MAP3K20: variants seen among roughly 807,000 people sequenced by gnomAD.
The protein encoded by MAP3K20 is HCCS-4.
A neutral mutation model predicts 85.7 loss-of-function variants in MAP3K20; 40 were observed. That is an observed-to-expected ratio of 0.47 (90% confidence interval 0.36 to 0.61). The LOEUF (loss-of-function observed/expected upper bound fraction) is 0.61, where lower values mean the gene tolerates loss of function less well. MAP3K20 is among the 20% of genes least tolerant of loss of function. MAP3K20 has a pLI of 0.00. For synonymous variants in MAP3K20, 325 were observed against 327.7 expected, an observed-to-expected ratio of 0.99 and a Z score of 0.09; for missense variants, 817 against 961.7, an observed-to-expected ratio of 0.85 and a Z score of 1.99.
At chr2:173,140,508 A>T (rs1398759075) in intron 2 of MAP3K20, among the ~76,000 whole-genome samples, 1 of 151,568 alleles carries the variant, frequency 6.6e-6, no homozygotes, top group Non-Finnish European at 1.5e-5. Context: ...GCACCACCAC[A>T]CCCGGCTAAT....
intron 19 of MAP3K20, 102 bp downstream of exon 19, chr2:173,263,997 T>A: frequency 6.9e-7 from 1 of 1,450,720 alleles, no homozygotes; most frequent in Non-Finnish European, 9.2e-7. Flanking sequence ...CTCAATCAGT[T>A]AAGATCTATC....
chr2:173,234,414 T>C (rs971532439), intron 14 of MAP3K20, among the ~76,000 whole-genome samples: 2 of 152,152 alleles, frequency 1.3e-5, no homozygotes, highest in Admixed American at 6.5e-5. Context: ...AAGAAACCTG[T>C]GGTTAAGGAA....
chr2:173,187,674 C>T (rs1690530236), intron 5 of MAP3K20, 51 bp downstream of exon 5: 4 of 1,452,496 alleles, frequency 2.8e-6, no homozygotes, highest in East Asian at 2.3e-5. Flanking sequence ...ATTACATACA[C>T]TTGCATGTAG....
chr2:173,209,924 C>A, intron 10 of MAP3K20, 89 bp downstream of exon 10: 1 of 1,183,362 alleles, frequency 8.5e-7, no homozygotes, highest in Non-Finnish European at 1.3e-6. Context: ...ATCTGAATGA[C>A]AGTCCTGATT....
chr2:173,136,163 T>C (rs1028272975), intron 2 of MAP3K20, among the ~76,000 whole-genome samples: 2 of 152,196 alleles, frequency 1.3e-5, no homozygotes, highest in African/African-American at 2.4e-5. Flanking sequence ...TGTTCCACTT[T>C]TAGGGAAAAA....
At chr2:173,103,846 G>A (rs1288950634) in intron 2 of MAP3K20, among the ~76,000 whole-genome samples, 1 of 151,976 alleles carries the variant, frequency 6.6e-6, no homozygotes, top group African/African-American at 2.4e-5. Flanking sequence ...TAGGTGGGGA[G>A]GTGCATACTT....
rs772084264 is a variant in MAP3K20 at position 173,169,837 on chromosome 2, C to T, written c.192C>T (p.Asn64=). 2.5e-6 allele frequency: 4 copies of T among 1,613,936 alleles called. No individual in the cohort carries two copies. The highest frequency in any genetic ancestry group is 2.2e-5 in the South Asian group (2 of 91,044). ...AEILSVLSHR[N]IIQFYGVILE... is the part of the protein sequence containing the mutation. ...TACTCAGTGTCCTCAGTCACAGAAACATCATCCAGTTTTATGGAGTAATTC... is the reference window on the plus strand; with the variant it reads ...TACTCAGTGTCCTCAGTCACAGAAATATCATCCAGTTTTATGGAGTAATTC... The change falls in exon 3 of 20, where the codon AAC becomes AAT. Residue 64 remains asparagine (N), a synonymous_variant. Transcript: ENST00000375213.
chr2:173,250,352 G>A (rs1322728932), intron 16 of MAP3K20, among the ~76,000 whole-genome samples: 1 of 152,220 alleles, frequency 6.6e-6, no homozygotes, highest in Non-Finnish European at 1.5e-5. Flanking sequence ...GACATGTGGT[G>A]GTTTAGTGGA....
intron 2 of MAP3K20, among the ~76,000 whole-genome samples, chr2:173,164,419 A>G (rs2106243838): frequency 6.6e-6 from 1 of 152,042 alleles, no homozygotes; most frequent in South Asian, 2.1e-4. Flanking sequence ...TTGCTTGTAA[A>G]CTTTTTTAAG....
intron 2 of MAP3K20, among the ~76,000 whole-genome samples, chr2:173,140,569 C>T (rs1316394381): frequency 2.0e-5 from 3 of 152,076 alleles, no homozygotes; most frequent in African/African-American, 7.2e-5. Context: ...AGGTTGTTCT[C>T]GAACTCCCAA....
At chr2:173,200,132 TA>T (rs1197530543) in intron 8 of MAP3K20, among the ~76,000 whole-genome samples, 1 of 152,192 alleles carries the variant, frequency 6.6e-6, no homozygotes, top group Non-Finnish European at 1.5e-5. Context: ...TGAACTTCAG[TA>T]AAATTGGGTA....
At chr2:173,078,579 C>T (rs1157127383) in intron 1 of MAP3K20, among the ~76,000 whole-genome samples, 1 of 152,140 alleles carries the variant, frequency 6.6e-6, no homozygotes. Context: ...GCTTTTATGT[C>T]AGACCCTCCT....
intron 2 of MAP3K20, among the ~76,000 whole-genome samples, chr2:173,101,988 A>G (rs1033071589): frequency 2.6e-5 from 4 of 152,296 alleles, no homozygotes; most frequent in Non-Finnish European, 4.4e-5. Context: ...AGTCCTTTAT[A>G]ATGTAACTTC....
intron 7 of MAP3K20, among the ~76,000 whole-genome samples, chr2:173,196,344 T>C (rs1289088265): frequency 6.6e-6 from 1 of 152,052 alleles, no homozygotes; most frequent in East Asian, 1.9e-4. Flanking sequence ...CCTGTGTAGG[T>C]CAGGGTGATT....
chr2:173,198,268 C>T lies in MAP3K20; in HGVS notation c.669+156C>T. On this transcript the variant is annotated intron_variant, in intron 8 of 19. Transcript: ENST00000375213. The surrounding 1 kb of genome is among the most constrained non-coding windows in gnomAD (Gnocchi z 5.8). The stretch of plus-strand genomic sequence containing the variant: ...ACAAAGGGTCAAAGTGATGTTATTC[C>T]TCATGAATGGACCCTTTACATCTAA... 4 of 579,330 alleles carry T rather than the reference C, an allele frequency of 6.9e-6. No homozygotes were observed. Among genetic ancestry groups the T allele is most frequent in the Non-Finnish European group, 6.0e-6 (2 of 335,506 alleles). The allele number at this position is 579,330 out of a possible 1,614,324, so 35.9% of individuals were successfully genotyped here. A position where few individuals can be genotyped will look rare whatever the true frequency, so the allele number is the denominator to read the frequency against.
intron 12 of MAP3K20, among the ~76,000 whole-genome samples, chr2:173,231,130 T>C (rs937351577): frequency 1.3e-5 from 2 of 152,198 alleles, no homozygotes; most frequent in Non-Finnish European, 2.9e-5. Context: ...GGGTTTGGGC[T>C]CCAGCCCAGG....
rs1298587341 is a variant in MAP3K20, at chr2:173,263,828, A to T, written c.1635A>T (p.Ala545=). 4.3e-6 allele frequency: 7 copies of T among 1,613,734 alleles called. No homozygotes were observed. The highest frequency in any genetic ancestry group is 1.7e-5 in the Admixed American group (1 of 59,812). ...CAAAACCTCAGGATGAAGTGAAAGC[A>T]GTCCAACTTGCCATTCAGACATTAT... The part of the protein sequence containing the change: ...SRTKPQDEVK[A]VQLAIQTLFT... The change falls in exon 19 of 20, where the codon GCA becomes GCT. Residue 545 remains alanine (A), a synonymous_variant. Coordinates refer to ENST00000375213, the MANE Select transcript of MAP3K20 (RefSeq NM_016653.3).
intron 19 of MAP3K20, among the ~76,000 whole-genome samples, chr2:173,264,822 C>G (rs1461848300): frequency 2.0e-5 from 3 of 151,908 alleles, no homozygotes; most frequent in Non-Finnish European, 2.9e-5. Context: ...AAGTAGAAGA[C>G]AGTTAACAAG....
intron 7 of MAP3K20, 127 bp from the exon 8 acceptor site, chr2:173,197,899 A>G (rs537349997): frequency 6.4e-6 from 4 of 620,702 alleles, no homozygotes; most frequent in Non-Finnish European, 1.0e-5. Flanking sequence ...GTTTTGCCCA[A>G]GTTTCTACAG....
Sources: gnomAD v4.1 joint callset for allele counts (sites outside exome capture counted in the v4.1 genomes callset) on GRCh38, gnomAD v4.1.1 for gene constraint, Gnocchi (gnomAD v3.1) non-coding constraint, MANE v1.5 for transcripts, NCBI Gene and HGNC (gene_info 2026-07-23, HGNC 2026-07-21) for gene names.